Variants in TBL1XR1 observed in about 807,000 individuals in gnomAD.
TBL1XR1 encodes the protein F-box-like/WD repeat-containing protein TBL1XR1.
A neutral mutation model predicts 66.9 loss-of-function variants in TBL1XR1; 5 were observed. The observed-to-expected ratio is 0.07, with a 90% CI of 0.04 to 0.16. The LOEUF (loss-of-function observed/expected upper bound fraction) is 0.16. Among genes scored for constraint, TBL1XR1 ranks in the 10% least tolerant of loss-of-function variants. The pLI, the probability that TBL1XR1 is intolerant of heterozygous loss-of-function variation, is 1.00. For missense variants in TBL1XR1, 238 were observed against 623.2 expected (o/e 0.38, Z 6.58); for synonymous variants, 210 against 206.0 (o/e 1.02, Z -0.17).
chr3:177,112,296 T>G (rs190135358), intron 1 of TBL1XR1, among the ~76,000 whole-genome samples: 4 of 150,402 alleles, frequency 2.7e-5, no homozygotes, highest in African/African-American at 9.8e-5. Context: ...TTAGTAGAGG[T>G]GGGGTTTTGA....
chr3:177,198,158 C>T (rs1327036584), upstream of TBL1XR1, among the ~76,000 whole-genome samples: 3 of 152,162 alleles, frequency 2.0e-5, no homozygotes, highest in Non-Finnish European at 2.9e-5. Flanking sequence ...TGGAAAGGTG[C>T]TTTATCTGTA....
At chr3:177,181,469 G>A (rs1734811729) in intron 1 of TBL1XR1, among the ~76,000 whole-genome samples, 1 of 126,566 alleles carries the variant, frequency 7.9e-6, no homozygotes, top group East Asian at 2.3e-4. Flanking sequence ...GACAGAGCCA[G>A]ACTCCGTCTT....
intron 10 of TBL1XR1, among the ~76,000 whole-genome samples, chr3:177,042,091 C>T (rs1014772781): frequency 1.3e-5 from 2 of 152,184 alleles, no homozygotes; most frequent in Non-Finnish European, 2.9e-5. Context: ...ACGTCGTTTT[C>T]CTCCATGGAA....
At chr3:177,191,157 G>A (rs1232050370) in intron 1 of TBL1XR1, among the ~76,000 whole-genome samples, 1 of 152,140 alleles carries the variant, frequency 6.6e-6, no homozygotes, top group African/African-American at 2.4e-5. Context: ...TAGGTAGAAT[G>A]GAACCTTCTT....
intron 2 of TBL1XR1, among the ~76,000 whole-genome samples, chr3:177,084,529 A>G (rs186914580): frequency 3.9e-5 from 6 of 152,378 alleles, no homozygotes; most frequent in Admixed American, 3.9e-4. Context: ...CATTGTACAC[A>G]TACAGCAACT....
At chr3:177,077,178 T>A (rs963832291) in intron 2 of TBL1XR1, among the ~76,000 whole-genome samples, 1 of 152,212 alleles carries the variant, frequency 6.6e-6, no homozygotes, top group Non-Finnish European at 1.5e-5. Flanking sequence ...AACAGTACTT[T>A]CGCTGCATAC....
intron 1 of TBL1XR1, among the ~76,000 whole-genome samples, chr3:177,192,521 T>A (rs184232155): frequency 2.9e-5 from 4 of 137,432 alleles, no homozygotes; most frequent in Non-Finnish European, 4.9e-5. Flanking sequence ...TCCACCACCG[T>A]ACCTACACCA....
chr3:177,196,540 C>A (rs940846776), intron 1 of TBL1XR1: 58 of 148,368 alleles, frequency 3.9e-4, no homozygotes, highest in African/African-American at 1.4e-3. Flanking sequence ...CCCGCAGCCC[C>A]CAGCACGCCG....
chr3:177,196,586 G>C (rs1486273556), intron 1 of TBL1XR1: 2 of 149,382 alleles, frequency 1.3e-5, no homozygotes, highest in East Asian at 2.0e-4. Context: ...GGACGCGCCC[G>C]GGGAGGGGAG....
chr3:177,058,253 T>C (rs1718059647), intron 3 of TBL1XR1, among the ~76,000 whole-genome samples: 1 of 152,196 alleles, frequency 6.6e-6, no homozygotes, highest in African/African-American at 2.4e-5. Flanking sequence ...ATTATACTCA[T>C]GTTCTCATCA....
At chr3:177,139,958 A>AACT (rs1375920157) in intron 1 of TBL1XR1, among the ~76,000 whole-genome samples, 1 of 152,256 alleles carries the variant, frequency 6.6e-6, no homozygotes, top group African/African-American at 2.4e-5. Context: ...AATCAGAAGT[A>AACT]ACAGGTGCTA....
At chr3:177,194,725 C>T (rs962270935) in intron 1 of TBL1XR1, among the ~76,000 whole-genome samples, 1 of 152,164 alleles carries the variant, frequency 6.6e-6, no homozygotes, top group Non-Finnish European at 1.5e-5. Context: ...GCTCCTAGAA[C>T]ACAGGAAGCA....
chr3:177,108,508 C>G (rs1725155721), intron 1 of TBL1XR1, among the ~76,000 whole-genome samples: 1 of 152,078 alleles, frequency 6.6e-6, no homozygotes, highest in African/African-American at 2.4e-5. Flanking sequence ...AGCTTGATAA[C>G]AAGTATGAAC....
intron 1 of TBL1XR1, among the ~76,000 whole-genome samples, chr3:177,102,916 T>C (rs776885606): frequency 1.3e-5 from 2 of 152,206 alleles, no homozygotes; most frequent in Non-Finnish European, 2.9e-5. Context: ...TCTTCTATCA[T>C]ACCTCTCTGA....
intron 1 of TBL1XR1, among the ~76,000 whole-genome samples, chr3:177,136,486 G>A (rs1342299483): frequency 6.6e-6 from 1 of 152,086 alleles, no homozygotes; most frequent in Non-Finnish European, 1.5e-5. Flanking sequence ...CACCACGTTG[G>A]CCAGACTGGT....
intron 12 of TBL1XR1, among the ~76,000 whole-genome samples, chr3:177,036,824 C>T (rs1220965667): frequency 6.6e-6 from 1 of 152,206 alleles, no homozygotes; most frequent in Non-Finnish European, 1.5e-5. Context: ...TCATGATTTT[C>T]ATATCTGTAA....
intron 1 of TBL1XR1, among the ~76,000 whole-genome samples, chr3:177,184,899 C>G (rs944461204): frequency 1.3e-5 from 2 of 152,100 alleles, no homozygotes; most frequent in Admixed American, 6.5e-5. Flanking sequence ...TCTAATTCTG[C>G]CAACAAGTCT....
chr3:177,069,783 A>AAAGGAAGG (rs145829799), intron 2 of TBL1XR1, among the ~76,000 whole-genome samples: 15,006 of 94,748 alleles, frequency 0.16, 1,402 homozygotes, highest in East Asian at 0.3. Flanking sequence ...GAAAGGAAGG[A>AAAGGAAGG]AAAGGAAGGA....
At chr3:177,172,421 G>A (rs1007683723) in intron 1 of TBL1XR1, among the ~76,000 whole-genome samples, 9 of 151,896 alleles carry the variant, frequency 5.9e-5, no homozygotes, top group African/African-American at 9.7e-5. Context: ...ATTAATGCAT[G>A]TAAAAAGGAA....
Sources: gnomAD v4.1 joint callset for allele counts (sites outside exome capture counted in the v4.1 genomes callset) on GRCh38, gnomAD v4.1.1 for gene constraint, MANE v1.5 for transcripts, NCBI Gene and HGNC (gene_info 2026-07-23, HGNC 2026-07-21) for gene names.